The following FHIT variants were observed in gnomAD, a reference collection of about 807,000 sequenced individuals.
The protein encoded by FHIT is bis(5'-adenosyl)-triphosphatase.
FHIT carries 19 observed loss-of-function variants against 17.9 expected under a neutral mutation model. The observed-to-expected ratio is 1.06, with a 90% CI of 0.74 to 1.56. The LOEUF (loss-of-function observed/expected upper bound fraction) is 1.56, where lower values mean the gene tolerates loss of function less well. Ranked by LOEUF, FHIT falls within the 40% of genes most tolerant of loss-of-function variation. The probability of loss-of-function intolerance (pLI) is 0.00; values close to 1 mark genes in which losing one functional copy is unlikely to be tolerated. For missense variants in FHIT, 248 were observed against 189.2 expected, an observed-to-expected ratio of 1.31 and a Z score of -1.82; for synonymous variants, 81 against 69.7, an observed-to-expected ratio of 1.16 and a Z score of -0.81.
At chr3:59,843,508 T>C (rs971328636) in intron 8 of FHIT, among the ~76,000 whole-genome samples, 3 of 152,200 alleles carry the variant, frequency 2.0e-5, no homozygotes, top group African/African-American at 7.2e-5. Flanking sequence ...TCGCTTTGTA[T>C]AGTATTGAAA....
At chr3:60,710,151 C>T (rs1270676065) in intron 4 of FHIT, among the ~76,000 whole-genome samples, 4 of 148,346 alleles carry the variant, frequency 2.7e-5, no homozygotes, top group African/African-American at 9.9e-5. Context: ...CAAGGATATT[C>T]TTAGAAAAAG....
intron 3 of FHIT, among the ~76,000 whole-genome samples, chr3:61,041,513 T>C (rs1301553993): frequency 6.6e-6 from 1 of 152,164 alleles, no homozygotes; most frequent in Non-Finnish European, 1.5e-5. Flanking sequence ...CTTCTACCTA[T>C]GTGTGATCAT....
chr3:59,855,570 T>C (rs1410826531), intron 8 of FHIT, among the ~76,000 whole-genome samples: 1 of 152,174 alleles, frequency 6.6e-6, no homozygotes, highest in Non-Finnish European at 1.5e-5. Context: ...TGCTACATAT[T>C]AAAATCTGTA....
intron 4 of FHIT, among the ~76,000 whole-genome samples, chr3:60,674,024 A>T: frequency 7.1e-6 from 1 of 141,776 alleles, no homozygotes; most frequent in East Asian, 3.9e-4. Flanking sequence ...TCATTTCTGG[A>T]CCTCAAATTG....
chr3:60,820,495 G>A (rs1235217428), intron 4 of FHIT, among the ~76,000 whole-genome samples: 1 of 152,166 alleles, frequency 6.6e-6, no homozygotes, highest in Non-Finnish European at 1.5e-5. Context: ...ACCTGCCAGA[G>A]AAAAATCTGG....
intron 5 of FHIT, among the ~76,000 whole-genome samples, chr3:60,413,211 A>C (rs1702125573): frequency 6.6e-6 from 1 of 152,162 alleles, no homozygotes; most frequent in African/African-American, 2.4e-5. Context: ...AAAAGATTTG[A>C]AGCACTAGTC....
At chr3:60,955,609 T>TATATATATATATATATAC (rs1709091507) in intron 3 of FHIT, among the ~76,000 whole-genome samples, 1 of 9,150 alleles carries the variant, frequency 1.1e-4, no homozygotes, top group African/African-American at 1.7e-4. Context: ...TATATATATA[T>TATATATATATATATATAC]ATATATATAT....
chr3:60,492,407 A>C (rs753405200), intron 5 of FHIT, among the ~76,000 whole-genome samples: 33 of 152,218 alleles, frequency 2.2e-4, no homozygotes, highest in Non-Finnish European at 4.8e-4. Context: ...ATATAGGAAA[A>C]AGGTTAAGAA....
chr3:61,229,302 A>T (rs2040043648), intron 1 of FHIT, among the ~76,000 whole-genome samples: 1 of 152,214 alleles, frequency 6.6e-6, no homozygotes, highest in Admixed American at 6.5e-5. Flanking sequence ...TGAAGCAAAC[A>T]GTTATGTGGG....
intron 4 of FHIT, among the ~76,000 whole-genome samples, chr3:60,669,624 A>G (rs1286746662): frequency 6.6e-6 from 1 of 152,210 alleles, no homozygotes; most frequent in Non-Finnish European, 1.5e-5. Context: ...ATGAAAGATG[A>G]GCATAAAACA....
In FHIT at chr3:60,508,945, A is replaced by T. The variant is rs192629357; in HGVS notation, c.103+27915T>A. Among the ~76,000 whole-genome samples, 443 of 152,302 alleles carry T rather than the reference A, an allele frequency of 2.9e-3. 4 individuals are homozygous for T. The highest frequency in any genetic ancestry group is 3.4e-3 in the Middle Eastern group (1 of 294). ...AGTAAAGACGAACGTGATAGTATAA[A>T]TGTACAGACACAAATCACTGCTTTA... On this transcript the variant is annotated intron_variant, in intron 5 of 9. Transcript: ENST00000492590.
chr3:60,726,314 C>T (rs1448072122), intron 4 of FHIT, among the ~76,000 whole-genome samples: 4 of 152,096 alleles, frequency 2.6e-5, no homozygotes, highest in African/African-American at 4.8e-5. Context: ...GATTAGAAAT[C>T]GAGATATGAA....
At chr3:60,352,837 C>T (rs1230187533) in intron 5 of FHIT, among the ~76,000 whole-genome samples, 1 of 152,088 alleles carries the variant, frequency 6.6e-6, no homozygotes, top group Non-Finnish European at 1.5e-5. Context: ...TATCAGAGTC[C>T]TACTTACCCA....
intron 5 of FHIT, among the ~76,000 whole-genome samples, chr3:60,027,066 T>C (rs1700768589): frequency 6.6e-6 from 1 of 150,476 alleles, no homozygotes; most frequent in Non-Finnish European, 1.5e-5. Flanking sequence ...GCCACTGCAC[T>C]CTAGCCTGGG....
intron 5 of FHIT, among the ~76,000 whole-genome samples, chr3:60,350,668 T>C (rs914044865): frequency 1.3e-5 from 2 of 152,130 alleles, no homozygotes; most frequent in African/African-American, 2.4e-5. Flanking sequence ...AAAGTATGGC[T>C]ATGGAATATT....
intron 5 of FHIT, among the ~76,000 whole-genome samples, chr3:60,136,537 T>C (rs2107284510): frequency 6.6e-6 from 1 of 152,176 alleles, no homozygotes; most frequent in Non-Finnish European, 1.5e-5. Flanking sequence ...TGCCCACAAC[T>C]CCGTTTCATG....
At chr3:59,881,724 G>A (rs1703417815) in intron 8 of FHIT, among the ~76,000 whole-genome samples, 1 of 152,154 alleles carries the variant, frequency 6.6e-6, no homozygotes. Flanking sequence ...AATACAAGAA[G>A]AGGCTAAAAA....
chr3:59,990,431 T>G (rs929053742), intron 7 of FHIT, among the ~76,000 whole-genome samples: 4 of 152,124 alleles, frequency 2.6e-5, no homozygotes, highest in Middle Eastern at 6.8e-3. Context: ...AAAATACATT[T>G]AGAGAAAGTA....
At chr3:60,195,196 A>C (rs1008110080) in intron 5 of FHIT, among the ~76,000 whole-genome samples, 1 of 151,928 alleles carries the variant, frequency 6.6e-6, no homozygotes, top group African/African-American at 2.4e-5. Flanking sequence ...ACCAAAAAAA[A>C]CCACAGTAAG....
Sources: allele counts gnomAD v4.1 joint callset (sites outside exome capture counted in the v4.1 genomes callset), GRCh38; gene constraint gnomAD v4.1.1; transcripts MANE v1.5; gene names NCBI Gene and HGNC (gene_info 2026-07-23, HGNC 2026-07-21).